Variants in IL2RB observed in about 807,000 individuals in gnomAD.
The protein encoded by IL2RB is interleukin 2 receptor subunit beta.
Under a neutral mutation model 44.2 loss-of-function variants are expected in IL2RB, and 17 were observed. The observed-to-expected ratio is 0.38, with a 90% CI of 0.26 to 0.58. The LOEUF (loss-of-function observed/expected upper bound fraction) is 0.58, where lower values mean the gene tolerates loss of function less well. IL2RB is among the 20% of genes least tolerant of loss of function. IL2RB has a pLI of 0.63. For synonymous variants in IL2RB, 286 were observed against 297.9 expected (o/e 0.96, Z 0.41); for missense variants, 624 against 685.5 (o/e 0.91, Z 1.00).
chr22:37,170,345 T>A (rs570549937), intron 1 of IL2RB, among the ~76,000 whole-genome samples: 1 of 152,170 alleles, frequency 6.6e-6, no homozygotes, highest in African/African-American at 2.4e-5. Context: ...TCACAGAAGG[T>A]GCAGGTCCCA....
In IL2RB at chr22:37,149,848, C is replaced by T. The variant is rs565349641; in HGVS notation, c.-57G>A. On this transcript the variant is annotated 5_prime_UTR_variant, in exon 1 of 10. Coordinates refer to ENST00000216223, the MANE Select transcript of IL2RB (RefSeq NM_000878.5). ...ACCTGGCTGAGACATGGGGCGGTGG[C>T]AGCGCGCGCTCTCCAGTCCTCCCCG... is the stretch of plus-strand genomic sequence containing the variant. The T allele has an allele frequency of 9.5e-5, 94 of 985,628 alleles. 1 individual carries two copies. In the South Asian group the frequency reaches 1.9e-3, roughly 20 times the overall value. The allele number at this position is 985,628 out of a possible 1,614,324, so 61.1% of individuals were successfully genotyped here. A position where few individuals can be genotyped will look rare whatever the true frequency, so the allele number is the denominator to read the frequency against.
chr22:37,157,415 C>T (rs983650379), intron 1 of IL2RB, among the ~76,000 whole-genome samples: 2 of 152,206 alleles, frequency 1.3e-5, no homozygotes, highest in Non-Finnish European at 2.9e-5. Context: ...TGAAGCCCCA[C>T]GTTCTTCCCT....
In IL2RB at chr22:37,128,919, C is replaced by T; in HGVS notation, c.904-71G>A. 6.7e-7 allele frequency: 1 copy of T among 1,500,330 alleles called. No homozygotes were observed. Among genetic ancestry groups the T allele is most frequent in the African/African-American group, 1.4e-5 (1 of 72,194 alleles). The allele number at this position is 1,500,330 out of a possible 1,614,324, so 92.9% of individuals were successfully genotyped here. On this transcript the variant is annotated intron_variant, in intron 9 of 9. Transcript: ENST00000216223. This position sits in a 1 kb window ranked among gnomAD's most constrained non-coding sequence, Gnocchi z 4.5. ...CCCTCCACCCCTTCCTCTGGACTCT[C>T]AACAGCTCCTAACTCCTCCTCCTCC...
intron 1 of IL2RB, among the ~76,000 whole-genome samples, chr22:37,144,619 C>T (rs1314405373): frequency 6.6e-6 from 1 of 152,122 alleles, no homozygotes; most frequent in South Asian, 2.1e-4. Context: ...GTGGTGGGTG[C>T]CTGTAGTCCC....
chr22:37,151,352 TTA>T (rs1922478718), upstream of IL2RB, among the ~76,000 whole-genome samples: 1 of 152,186 alleles, frequency 6.6e-6, no homozygotes, highest in Non-Finnish European at 1.5e-5. Context: ...TTTCATAAAC[TTA>T]TATGTTTTCT....
chr22:37,134,289 G>A (rs1177238634), intron 8 of IL2RB, among the ~76,000 whole-genome samples: 3 of 152,124 alleles, frequency 2.0e-5, no homozygotes, highest in Non-Finnish European at 4.4e-5. Flanking sequence ...TAGGTTACAC[G>A]CAAATATTCT....
At chr22:37,135,242 T>TTGTGTGCGTGTGTGTGCATG in intron 8 of IL2RB, 86 bp downstream of exon 8, 1 of 855,028 alleles carries the variant, frequency 1.2e-6, no homozygotes. Context: ...GTATGTGTGC[T>TTGTGTGCGTGTGTGTGCATG]TGTGTGCGTG....
rs572489106 is a variant in IL2RB at position 37,135,533 on chromosome 22, G to A, written c.704-91C>T. 8.7e-5 allele frequency: 65 copies of A among 751,204 alleles called. 1 individual carries two copies. In the East Asian group the frequency reaches 1.5e-3, roughly 17 times the overall value. 46.5% of individuals were successfully genotyped at this position (751,204 alleles called of 1,614,324 possible). ...GGTCACCCCAACACCCCCATCCAGG[G>A]CCCTGCCACGCAGGCCTGCGTCTGG... On this transcript the variant is annotated intron_variant, in intron 7 of 9. Coordinates refer to ENST00000216223, the MANE Select transcript of IL2RB (RefSeq NM_000878.5).
At chr22:37,144,046 A>T in intron 2 of IL2RB, 39 bp downstream of exon 2, 1 of 1,551,412 alleles carries the variant, frequency 6.4e-7, no homozygotes, top group South Asian at 1.2e-5. Flanking sequence ...CCATCTCTCC[A>T]TAGGGAAAGC....
chr22:37,142,708 C>T lies in IL2RB; in HGVS notation c.204-196G>A, dbSNP rs1290057636. 20 of 712,824 alleles carry T rather than the reference C, an allele frequency of 2.8e-5. No individual in the cohort carries two copies. In the Admixed American group the frequency reaches 4.0e-4, roughly 14 times the overall value. 44.2% of individuals were successfully genotyped at this position (712,824 alleles called of 1,614,324 possible). A position where few individuals can be genotyped will look rare whatever the true frequency, so the allele number is the denominator to read the frequency against. ...CATTCCTCCCTCATGGGCACCTTGT[C>T]CTGCTCCCTCATCCCAGCCTGGTCC... On this transcript the variant is annotated intron_variant, in intron 3 of 9. Transcript: ENST00000216223.
intron 6 of IL2RB, among the ~76,000 whole-genome samples, 190 bp downstream of exon 6, chr22:37,137,397 G>T (rs1371960997): frequency 2.0e-5 from 3 of 152,186 alleles, no homozygotes; most frequent in East Asian, 3.8e-4. Flanking sequence ...GGATCCCCAG[G>T]ATTAAGGGGG....
chr22:37,164,393 G>A (rs1922994783), intron 1 of IL2RB, among the ~76,000 whole-genome samples: 1 of 149,802 alleles, frequency 6.7e-6, no homozygotes, highest in South Asian at 2.1e-4. Flanking sequence ...TGTGGTTTGA[G>A]CCCAGAGGTG....
intron 4 of IL2RB, among the ~76,000 whole-genome samples, chr22:37,140,678 C>A (rs1921920414): frequency 1.1e-5 from 1 of 92,864 alleles, no homozygotes; most frequent in African/African-American, 8.3e-5. Context: ...AGACATATAA[C>A]CTGATGGAAG....
In IL2RB at chr22:37,157,567, T is replaced by A. The variant is rs146652783; in HGVS notation, c.-33-13362A>T. 4.1e-3 allele frequency among the ~76,000 whole-genome samples: 620 copies of A among 151,440 alleles called. 18 individuals carry two copies. Among genetic ancestry groups the A allele is most frequent in the Admixed American group, 0.033 (498 of 15,166 alleles). On this transcript the variant is annotated intron_variant, in intron 1 of 5. Transcript: ENST00000429622. The stretch of plus-strand genomic sequence containing the variant: ...CCACTGTGCCTGGGACTGAGGGGGG[T>A]TTCCAGAACATAAGATTTACAGTGA...
upstream of IL2RB, chr22:37,150,086 GCA>G (rs746303210): frequency 0.053 from 7,373 of 138,264 alleles, 257 homozygotes; most frequent in African/African-American, 0.12. Context: ...GCTGGGGGCG[GCA>G]CACACACACA....
Position 37,149,869 on chromosome 22 carries a change from C to A in IL2RB, c.-78G>T. 2.0e-6 allele frequency: 2 copies of A among 985,726 alleles called. No individual in the cohort carries two copies. Among genetic ancestry groups the A allele is most frequent in the Non-Finnish European group, 2.4e-6 (2 of 830,222 alleles). 61.1% of individuals were successfully genotyped at this position (985,726 alleles called of 1,614,324 possible). ...GTGGCAGCGCGCGCTCTCCAGTCCT[C>A]CCCGGTGCTGGGACCGTGGCCATCT... On this transcript the variant is annotated 5_prime_UTR_variant, in exon 1 of 10. Transcript: ENST00000216223.
chr22:37,171,918 C>T (rs1366252795), intron 1 of IL2RB, among the ~76,000 whole-genome samples: 1 of 152,206 alleles, frequency 6.6e-6, no homozygotes, highest in Non-Finnish European at 1.5e-5. Context: ...GCTACTCTTG[C>T]ACCTTATATA....
At chr22:37,144,959 A>G (rs1316557925) in intron 1 of IL2RB, among the ~76,000 whole-genome samples, 1 of 151,508 alleles carries the variant, frequency 6.6e-6, no homozygotes, top group Non-Finnish European at 1.5e-5. Flanking sequence ...GGCACATAGT[A>G]GGCATCTGGC....
At position 37,173,750 on chromosome 22, in the gene IL2RB, AG is replaced by A. The variant is rs59478001; in HGVS notation, c.-34+1207del. Among the ~76,000 whole-genome samples, 1,325 of 151,470 alleles carry A rather than the reference AG, an allele frequency of 8.7e-3. 17 individuals are homozygous for A. The highest frequency in any genetic ancestry group is 0.031 in the African/African-American group (1,268 of 41,056). On this transcript the variant is annotated intron_variant, in intron 1 of 5. Coordinates refer to the IL2RB transcript ENST00000429622. ...AGCATTAACCACACACTAAACTGCC[AG>A]GGGGGGTTGGGGAGGGGTCCTGGAG... is the stretch of plus-strand genomic sequence containing the variant.
Sources: allele counts gnomAD v4.1 joint callset (sites outside exome capture counted in the v4.1 genomes callset), GRCh38; gene constraint gnomAD v4.1.1; non-coding constraint Gnocchi (gnomAD v3.1); transcripts MANE v1.5; gene names NCBI Gene and HGNC (gene_info 2026-07-23, HGNC 2026-07-21).